Variants in DOK5 observed in about 807,000 individuals in gnomAD.
DOK5 encodes docking protein 5.
DOK5 carries 27 observed loss-of-function variants against 43.3 expected under a neutral mutation model. The observed-to-expected ratio is 0.62, with a 90% CI of 0.46 to 0.86. The LOEUF (loss-of-function observed/expected upper bound fraction) is 0.86, where lower values mean the gene tolerates loss of function less well. Among genes scored for constraint, DOK5 ranks in the 40% least tolerant of loss-of-function variants. The pLI is 0.00. For missense variants in DOK5, 373 were observed against 392.9 expected, an observed-to-expected ratio of 0.95 and a Z score of 0.43; for synonymous variants, 146 against 140.1, an observed-to-expected ratio of 1.04 and a Z score of -0.30.
At chr20:54,627,867 G>GC (rs1286535329) in intron 6 of DOK5, among the ~76,000 whole-genome samples, 1 of 152,146 alleles carries the variant, frequency 6.6e-6, no homozygotes, top group African/African-American at 2.4e-5. Context: ...TCAGGATCTG[G>GC]CCCCTTAGTC....
chr20:54,643,894 C>T (rs757570637), intron 7 of DOK5, among the ~76,000 whole-genome samples: 6 of 152,072 alleles, frequency 3.9e-5, no homozygotes, highest in Non-Finnish European at 7.4e-5. Context: ...TTTAACAGAC[C>T]GTACACAGGG....
intron 1 of DOK5, among the ~76,000 whole-genome samples, chr20:54,537,860 A>T (rs1984011854): frequency 8.2e-6 from 1 of 121,436 alleles, no homozygotes. Flanking sequence ...TTTTTTTGAG[A>T]CAGAGTCTCA....
intron 1 of DOK5, among the ~76,000 whole-genome samples, chr20:54,548,695 C>A (rs1441049967): frequency 6.6e-6 from 1 of 152,106 alleles, no homozygotes; most frequent in Non-Finnish European, 1.5e-5. Context: ...AATATAAAGA[C>A]AGTTGAATGA....
intron 6 of DOK5, among the ~76,000 whole-genome samples, chr20:54,612,790 T>C (rs929770091): frequency 6.6e-6 from 1 of 152,234 alleles, no homozygotes; most frequent in Non-Finnish European, 1.5e-5. Context: ...GAGATAAATT[T>C]CAGTGCCATC....
At chr20:54,546,988 G>A (rs1984370092) in intron 1 of DOK5, among the ~76,000 whole-genome samples, 1 of 152,176 alleles carries the variant, frequency 6.6e-6, no homozygotes, top group Admixed American at 6.5e-5. Context: ...GGATTCCACA[G>A]AAGGCATAAT....
At chr20:54,539,764 G>A (rs1038291949) in intron 1 of DOK5, among the ~76,000 whole-genome samples, 9 of 152,094 alleles carry the variant, frequency 5.9e-5, no homozygotes, top group Non-Finnish European at 7.3e-5. Context: ...TAATGAAGCC[G>A]GGTCAGATCA....
In DOK5 at chr20:54,643,312, C is replaced by A. The variant is rs1432488039; in HGVS notation, c.736-146C>A. Reference sequence around the variant, plus strand: ...GTAAGCAAAAACAGTAGCTGGCCACCATGCCCACCACCTTCAATCGATGTT... The same window carrying A: ...GTAAGCAAAAACAGTAGCTGGCCACAATGCCCACCACCTTCAATCGATGTT... On this transcript the variant is annotated intron_variant, in intron 6 of 7. Coordinates refer to ENST00000262593, the MANE Select transcript of DOK5 (RefSeq NM_018431.5). The A allele has an allele frequency of 8.2e-6, 9 of 1,099,694 alleles. No homozygotes were observed. In the Admixed American group the frequency reaches 1.8e-4, roughly 22 times the overall value. The allele number at this position is 1,099,694 out of a possible 1,614,324, so 68.1% of individuals were successfully genotyped here. A position where few individuals can be genotyped will look rare whatever the true frequency, so the allele number is the denominator to read the frequency against.
intron 1 of DOK5, among the ~76,000 whole-genome samples, chr20:54,516,094 G>A (rs1449855936): frequency 6.6e-6 from 1 of 152,170 alleles, no homozygotes; most frequent in Non-Finnish European, 1.5e-5. Flanking sequence ...AGATAGACAA[G>A]CATCTCAGAA....
intron 6 of DOK5, among the ~76,000 whole-genome samples, chr20:54,619,450 C>G (rs1402596691): frequency 6.6e-6 from 1 of 152,128 alleles, no homozygotes; most frequent in East Asian, 1.9e-4. Context: ...GTGGGATATT[C>G]CTCATTCCAC....
intron 6 of DOK5, among the ~76,000 whole-genome samples, chr20:54,619,008 C>A (rs1179353672): frequency 9.3e-6 from 1 of 107,062 alleles, no homozygotes; most frequent in African/African-American, 3.2e-5. Flanking sequence ...CAGAACAAGA[C>A]CTTGTTTCAA....
At chr20:54,581,764 ATTTG>A (rs1985651165) in intron 2 of DOK5, among the ~76,000 whole-genome samples, 1 of 151,752 alleles carries the variant, frequency 6.6e-6, no homozygotes, top group African/African-American at 2.4e-5. Flanking sequence ...GAATTTGTTT[ATTTG>A]TTCTAACTTT....
chr20:54,546,427 C>A (rs1310742079), intron 1 of DOK5, among the ~76,000 whole-genome samples: 1 of 151,966 alleles, frequency 6.6e-6, no homozygotes, highest in Non-Finnish European at 1.5e-5. Context: ...ACTTTAAGTA[C>A]TAGGGTACAT....
intron 1 of DOK5, among the ~76,000 whole-genome samples, chr20:54,547,312 T>G (rs1984382821): frequency 6.6e-6 from 1 of 152,164 alleles, no homozygotes; most frequent in African/African-American, 2.4e-5. Flanking sequence ...CTGTGGTAGA[T>G]TATAAAGGCC....
At chr20:54,592,154 G>A (rs1985995396) in intron 5 of DOK5, among the ~76,000 whole-genome samples, 1 of 152,060 alleles carries the variant, frequency 6.6e-6, no homozygotes, top group African/African-American at 2.4e-5. Flanking sequence ...TCTTGATTTT[G>A]GAAAACTTCC....
chr20:54,570,629 A>G (rs1189931611), intron 2 of DOK5, among the ~76,000 whole-genome samples: 1 of 152,206 alleles, frequency 6.6e-6, no homozygotes, highest in Non-Finnish European at 1.5e-5. Context: ...AAAGGGAAAA[A>G]TTGGAAATCT....
chr20:54,498,522 A>T (rs934778443), intron 1 of DOK5, among the ~76,000 whole-genome samples: 7 of 152,212 alleles, frequency 4.6e-5, no homozygotes, highest in Admixed American at 3.3e-4. Context: ...AGATTGAGCA[A>T]TTGGGAAGAG....
chr20:54,612,022 T>C (rs1383259036), intron 6 of DOK5, among the ~76,000 whole-genome samples: 1 of 152,244 alleles, frequency 6.6e-6, no homozygotes, highest in African/African-American at 2.4e-5. Flanking sequence ...ATTGGAAAGA[T>C]GTAATCAAAT....
At chr20:54,521,568 C>A (rs1983397699) in intron 1 of DOK5, among the ~76,000 whole-genome samples, 1 of 152,168 alleles carries the variant, frequency 6.6e-6, no homozygotes, top group Admixed American at 6.5e-5. Flanking sequence ...ATGTGAGGAG[C>A]TTCTGTGTCC....
intron 1 of DOK5, among the ~76,000 whole-genome samples, chr20:54,517,525 T>G (rs1983239329): frequency 6.6e-6 from 1 of 152,202 alleles, no homozygotes; most frequent in Non-Finnish European, 1.5e-5. Flanking sequence ...AATATTTCTC[T>G]GTTAGTTTCC....
Sources: allele counts gnomAD v4.1 joint callset (sites outside exome capture counted in the v4.1 genomes callset), GRCh38; gene constraint gnomAD v4.1.1; transcripts MANE v1.5; gene names NCBI Gene and HGNC (gene_info 2026-07-23, HGNC 2026-07-21).